PHACTR4: variants seen among roughly 807,000 people sequenced by gnomAD.
PHACTR4 encodes the protein protein phosphatase 1, regulatory subunit 124.
Under a neutral mutation model 72.7 loss-of-function variants are expected in PHACTR4, and 51 were observed. The ratio of observed to expected loss-of-function variants is 0.70; its 90% confidence interval spans 0.56 to 0.89. The LOEUF (loss-of-function observed/expected upper bound fraction) is 0.89. Among genes scored for constraint, PHACTR4 ranks in the 40% least tolerant of loss-of-function variants. The pLI is 0.00. For synonymous variants in PHACTR4, 255 were observed against 302.5 expected (o/e 0.84, Z 1.63); for missense variants, 731 against 861.8 (o/e 0.85, Z 1.90).
chr1:28,477,314 G>A (rs959078321), intron 8 of PHACTR4, among the ~76,000 whole-genome samples: 7 of 151,236 alleles, frequency 4.6e-5, no homozygotes, highest in African/African-American at 1.7e-4. Context: ...TCTCGAACTC[G>A]ACCTCGTGAT....
At chr1:28,449,256 TGAG>T (rs1373221720) in intron 2 of PHACTR4, among the ~76,000 whole-genome samples, 1 of 152,150 alleles carries the variant, frequency 6.6e-6, no homozygotes, top group African/African-American at 2.4e-5. Flanking sequence ...ACCAGGAGTT[TGAG>T]GCTGCACTGT....
chr1:28,407,352 C>A (rs1052810559), intron 1 of PHACTR4, 58 bp from the exon 2 acceptor site: 7 of 883,150 alleles, frequency 7.9e-6, no homozygotes, highest in East Asian at 2.6e-5. Context: ...TTTTTAAAAG[C>A]ATAAAAGGTG....
At chr1:28,440,039 C>A (rs1031903795) in intron 2 of PHACTR4, among the ~76,000 whole-genome samples, 1 of 152,074 alleles carries the variant, frequency 6.6e-6, no homozygotes, top group Non-Finnish European at 1.5e-5. Context: ...CGGTGGCTCA[C>A]GCCTGTAATC....
chr1:28,481,781 C>T (rs953612440), intron 9 of PHACTR4, among the ~76,000 whole-genome samples: 1 of 145,900 alleles, frequency 6.9e-6, no homozygotes, highest in African/African-American at 2.6e-5. Context: ...CAGAGTGAGA[C>T]TCCATCTAAA....
At chr1:28,493,655 A>ATTT (rs1286584697) in intron 13 of PHACTR4, among the ~76,000 whole-genome samples, 1 of 152,208 alleles carries the variant, frequency 6.6e-6, no homozygotes, top group Non-Finnish European at 1.5e-5. Flanking sequence ...TCACTGAGGA[A>ATTT]ATGGAGGCTC....
In PHACTR4 at chr1:28,466,157, G is replaced by C. The variant is rs570377696; in HGVS notation, c.437-225G>C. On this transcript the variant is annotated intron_variant, in intron 5 of 13. Coordinates refer to ENST00000373839, the MANE Select transcript of PHACTR4 (RefSeq NM_001048183.3). ...TGTTGTGGCTCTCCTCCAGTAGCCT[G>C]GCCCTTGTGTGAAGAATCACTACCA... 3.3e-5 allele frequency among the ~76,000 whole-genome samples: 5 copies of C among 152,228 alleles called. No individual in the cohort carries two copies. In the East Asian group the frequency reaches 5.8e-4, roughly 18 times the overall value.
At chr1:28,376,987 C>G (rs1651730318) in intron 1 of PHACTR4, among the ~76,000 whole-genome samples, 1 of 149,252 alleles carries the variant, frequency 6.7e-6, no homozygotes, top group Non-Finnish European at 1.5e-5. Context: ...GTTGGAGTGA[C>G]AGTGTGATCT....
At chr1:28,391,684 C>T (rs996260091) in intron 1 of PHACTR4, among the ~76,000 whole-genome samples, 1 of 147,054 alleles carries the variant, frequency 6.8e-6, no homozygotes, top group African/African-American at 2.5e-5. Flanking sequence ...TGGCTCACTG[C>T]AACCTCTGCC....
At chr1:28,395,844 G>T (rs1294133898) in intron 1 of PHACTR4, among the ~76,000 whole-genome samples, 3,110 of 55,324 alleles carry the variant, frequency 0.056, 1 homozygote, top group Middle Eastern at 0.087. Flanking sequence ...TTTTTTTTTA[G>T]TAGAGACGGG....
At chr1:28,463,397 C>T (rs185281068) in intron 4 of PHACTR4, among the ~76,000 whole-genome samples, 2 of 152,296 alleles carry the variant, frequency 1.3e-5, no homozygotes. Context: ...GCAAAGTAGA[C>T]ATCCCTGATT....
Position 28,446,735 on chromosome 1 carries a change from C to T in PHACTR4, c.17-12350C>T, listed in dbSNP as rs149657821. Among the ~76,000 whole-genome samples the T allele has an allele frequency of 9.7e-3, 1,477 of 151,990 alleles. 22 individuals carry two copies. The highest frequency in any genetic ancestry group is 0.034 in the African/African-American group (1,412 of 41,424). Reference sequence around the variant, plus strand: ...CGGAGGTTGTCGTGAGCCAGGATTGCGCCACTGTACTCCAGCCTGGGCAAC... The same window carrying T: ...CGGAGGTTGTCGTGAGCCAGGATTGTGCCACTGTACTCCAGCCTGGGCAAC... On this transcript the variant is annotated intron_variant, in intron 2 of 13. Coordinates refer to ENST00000373839, the MANE Select transcript of PHACTR4 (RefSeq NM_001048183.3).
At chr1:28,456,099 G>A (rs1658365854) in intron 2 of PHACTR4, among the ~76,000 whole-genome samples, 1 of 152,030 alleles carries the variant, frequency 6.6e-6, no homozygotes, top group East Asian at 1.9e-4. Flanking sequence ...AGATCCCTGG[G>A]ACTGGATAAT....
At chr1:28,432,746 T>C (rs192497197) in intron 2 of PHACTR4, among the ~76,000 whole-genome samples, 210 of 152,174 alleles carry the variant, frequency 1.4e-3, no homozygotes, top group African/African-American at 4.5e-3. Flanking sequence ...TTTTCTAAGG[T>C]GTTTTATTTT....
chr1:28,430,893 A>C (rs187564494), intron 2 of PHACTR4, among the ~76,000 whole-genome samples: 6 of 152,210 alleles, frequency 3.9e-5, no homozygotes, highest in Non-Finnish European at 8.8e-5. Context: ...TATTAAAAAT[A>C]TAGGCTGGGC....
chr1:28,413,875 T>C (rs1265416593), intron 2 of PHACTR4, among the ~76,000 whole-genome samples: 2 of 152,222 alleles, frequency 1.3e-5, no homozygotes, highest in Non-Finnish European at 2.9e-5. Context: ...AGGTTGCCTT[T>C]GGGTGAGCTT....
At chr1:28,428,998 G>A (rs1303671231) in intron 2 of PHACTR4, among the ~76,000 whole-genome samples, 3 of 152,160 alleles carry the variant, frequency 2.0e-5, no homozygotes, top group Non-Finnish European at 4.4e-5. Context: ...CCATTGGTAA[G>A]CCATGCTGCC....
At chr1:28,373,570 GTCAGCCA>G (rs1019646118) in intron 1 of PHACTR4, among the ~76,000 whole-genome samples, 18 of 151,958 alleles carry the variant, frequency 1.2e-4, no homozygotes, top group Middle Eastern at 3.2e-3. Context: ...GATTACAGGC[GTCAGCCA>G]TCACGCCTGG....
At chr1:28,421,950 T>G (rs193075017) in intron 2 of PHACTR4, among the ~76,000 whole-genome samples, 2 of 152,376 alleles carry the variant, frequency 1.3e-5, no homozygotes, top group Admixed American at 6.5e-5. Flanking sequence ...TGGATGGATG[T>G]ATGATTGGCT....
chr1:28,426,367 G>A (rs1557805805), intron 2 of PHACTR4, among the ~76,000 whole-genome samples: 1 of 151,254 alleles, frequency 6.6e-6, no homozygotes, highest in East Asian at 2.0e-4. Context: ...GATGAAACGT[G>A]GAATTGGGAG....
Sources: allele counts gnomAD v4.1 joint callset (sites outside exome capture counted in the v4.1 genomes callset), GRCh38; gene constraint gnomAD v4.1.1; transcripts MANE v1.5; gene names NCBI Gene and HGNC (gene_info 2026-07-23, HGNC 2026-07-21).